STXBP5L: variants seen among roughly 807,000 people sequenced by gnomAD.
STXBP5L encodes the protein syntaxin-binding protein 5-like.
Under a neutral mutation model 144.5 loss-of-function variants are expected in STXBP5L, and 65 were observed. That is an observed-to-expected ratio of 0.45 (90% CI 0.37 to 0.55). The LOEUF is 0.55. Ranked by LOEUF, STXBP5L falls within the 20% of genes least tolerant of loss-of-function variation. STXBP5L has a pLI of 0.00. For synonymous variants in STXBP5L, 505 were observed against 469.6 expected, an observed-to-expected ratio of 1.08 and a Z score of -0.97; for missense variants, 1,298 against 1,405.5, an observed-to-expected ratio of 0.92 and a Z score of 1.22.
At chr3:121,035,641 A>T (rs1223408383) in intron 3 of STXBP5L, among the ~76,000 whole-genome samples, 1 of 152,078 alleles carries the variant, frequency 6.6e-6, no homozygotes, top group Non-Finnish European at 1.5e-5. Context: ...GGGCAATGTT[A>T]TGTCTTCAGC....
At chr3:121,162,667 T>A (rs2046365099) in intron 9 of STXBP5L, among the ~76,000 whole-genome samples, 2 of 151,962 alleles carry the variant, frequency 1.3e-5, no homozygotes, top group Non-Finnish European at 2.9e-5. Context: ...TTGCAATCTA[T>A]CCATCTGACA....
At chr3:121,264,936 T>C (rs1343297676) in intron 18 of STXBP5L, among the ~76,000 whole-genome samples, 1 of 152,008 alleles carries the variant, frequency 6.6e-6, no homozygotes, top group Non-Finnish European at 1.5e-5. Context: ...GAGCTAACTA[T>C]ATATATGCAC....
At chr3:120,966,784 GT>G (rs1426319434) in intron 3 of STXBP5L, among the ~76,000 whole-genome samples, 1 of 152,126 alleles carries the variant, frequency 6.6e-6, no homozygotes, top group African/African-American at 2.4e-5. Flanking sequence ...CAGTGTGTCC[GT>G]TCTCAGAGCT....
intron 3 of STXBP5L, among the ~76,000 whole-genome samples, chr3:120,999,967 C>T (rs1943641528): frequency 6.6e-6 from 1 of 152,140 alleles, no homozygotes. Flanking sequence ...AGGGTTTCTG[C>T]TGAAAGTTCT....
chr3:120,920,923 A>C (rs1709330680), intron 2 of STXBP5L, among the ~76,000 whole-genome samples: 1 of 151,936 alleles, frequency 6.6e-6, no homozygotes, highest in Non-Finnish European at 1.5e-5. Context: ...TATTTTGGCT[A>C]TTGTGAGTAG....
chr3:121,322,476 C>CAAAA (rs5852266), intron 20 of STXBP5L, among the ~76,000 whole-genome samples: 4 of 128,482 alleles, frequency 3.1e-5, no homozygotes, highest in Non-Finnish European at 6.5e-5. Flanking sequence ...GAAACTGTGC[C>CAAAA]AAAAAAAAAA....
intron 3 of STXBP5L, among the ~76,000 whole-genome samples, chr3:121,036,421 A>C (rs888304478): frequency 6.6e-6 from 1 of 152,042 alleles, no homozygotes; most frequent in African/African-American, 2.4e-5. Flanking sequence ...TATAAATTTG[A>C]TGTTTTCTGC....
chr3:121,254,263 T>C (rs2050134655), intron 15 of STXBP5L, among the ~76,000 whole-genome samples: 1 of 152,106 alleles, frequency 6.6e-6, no homozygotes, highest in East Asian at 1.9e-4. Context: ...GGAAAAATAT[T>C]CCCCCAAATA....
chr3:121,283,610 A>G (rs1246882379), intron 19 of STXBP5L, among the ~76,000 whole-genome samples: 5 of 151,988 alleles, frequency 3.3e-5, no homozygotes, highest in African/African-American at 9.7e-5. Flanking sequence ...ATCATTCATT[A>G]TATATTGTCC....
intron 3 of STXBP5L, among the ~76,000 whole-genome samples, chr3:120,962,730 A>T (rs1939011209): frequency 6.6e-6 from 1 of 151,902 alleles, no homozygotes; most frequent in Admixed American, 6.6e-5. Flanking sequence ...AGCTTTGTTC[A>T]TTTTGCTTAG....
At chr3:121,344,887 A>T (rs1377657486) in intron 20 of STXBP5L, among the ~76,000 whole-genome samples, 1 of 151,042 alleles carries the variant, frequency 6.6e-6, no homozygotes, top group African/African-American at 2.4e-5. Context: ...AAATATTAAA[A>T]TACCCCAAAA....
At chr3:120,976,287 C>T (rs1334200093) in intron 3 of STXBP5L, among the ~76,000 whole-genome samples, 2 of 152,068 alleles carry the variant, frequency 1.3e-5, no homozygotes, top group East Asian at 1.9e-4. Flanking sequence ...GTGTATGTGT[C>T]CAGGAATTTA....
intron 8 of STXBP5L, among the ~76,000 whole-genome samples, chr3:121,157,070 A>G (rs752464444): frequency 2.8e-4 from 42 of 152,106 alleles, no homozygotes; most frequent in Non-Finnish European, 5.4e-4. Flanking sequence ...TTTAAATAGT[A>G]TATGCAAGAG....
chr3:120,955,110 A>G, intron 3 of STXBP5L, 73 bp downstream of exon 3: 4 of 1,078,148 alleles, frequency 3.7e-6, no homozygotes, highest in Middle Eastern at 2.0e-4. Context: ...CAGGTAAGAT[A>G]AATATTTATG....
intron 7 of STXBP5L, among the ~76,000 whole-genome samples, chr3:121,148,662 A>G (rs1028514147): frequency 6.6e-6 from 1 of 152,138 alleles, no homozygotes; most frequent in Non-Finnish European, 1.5e-5. Context: ...ACTCATATAC[A>G]TTTTGTGAAA....
At chr3:121,013,111 G>T (rs1484081348) in intron 3 of STXBP5L, among the ~76,000 whole-genome samples, 1 of 151,866 alleles carries the variant, frequency 6.6e-6, no homozygotes, top group South Asian at 2.1e-4. Flanking sequence ...TGGGCACCTG[G>T]GTTGATTCCA....
At chr3:121,233,731 AT>A in intron 12 of STXBP5L, 43 bp downstream of exon 12, 2 of 1,355,864 alleles carry the variant, frequency 1.5e-6, no homozygotes, top group Non-Finnish European at 2.0e-6. Context: ...AACTCTATTT[AT>A]TTTAGATTAT....
intron 7 of STXBP5L, among the ~76,000 whole-genome samples, chr3:121,127,503 C>A (rs1270624803): frequency 6.6e-6 from 1 of 151,780 alleles, no homozygotes; most frequent in Non-Finnish European, 1.5e-5. Flanking sequence ...AGTATAACAC[C>A]AATCTCTGCC....
At chr3:121,014,638 A>G (rs1000707326) in intron 3 of STXBP5L, among the ~76,000 whole-genome samples, 7 of 152,112 alleles carry the variant, frequency 4.6e-5, no homozygotes, top group East Asian at 1.9e-4. Flanking sequence ...TATATATTTA[A>G]CTTCATAGGA....
Sources: gnomAD v4.1 joint callset for allele counts (sites outside exome capture counted in the v4.1 genomes callset) on GRCh38, gnomAD v4.1.1 for gene constraint, MANE v1.5 for transcripts, NCBI Gene and HGNC (gene_info 2026-07-23, HGNC 2026-07-21) for gene names.